DAPK1: variants seen among roughly 807,000 people sequenced by gnomAD.
DAPK1 encodes death associated protein kinase 1.
In DAPK1, 56 loss-of-function variants were observed where a neutral mutation model predicts 144.9. That is an observed-to-expected ratio of 0.39 (90% confidence interval 0.31 to 0.48). The LOEUF is 0.48. Among genes scored for constraint, DAPK1 ranks in the 20% least tolerant of loss-of-function variants. DAPK1 has a pLI of 0.95. For missense variants in DAPK1, 1,454 were observed against 1,875.4 expected (o/e 0.78, Z 4.15); for synonymous variants, 690 against 749.0 (o/e 0.92, Z 1.29).
chr9:87,702,339 A>G (rs533178039), intron 24 of DAPK1, among the ~76,000 whole-genome samples: 1 of 152,368 alleles, frequency 6.6e-6, no homozygotes, highest in Non-Finnish European at 1.5e-5. Flanking sequence ...TAAAAGGTTA[A>G]AAATCCACTT....
At chr9:87,676,672 A>G (rs1179390703) in intron 19 of DAPK1, among the ~76,000 whole-genome samples, 1 of 152,206 alleles carries the variant, frequency 6.6e-6, no homozygotes, top group African/African-American at 2.4e-5. Context: ...GAGTGGGCAC[A>G]TCTTGGCCAA....
chr9:87,659,327 C>T (rs1304136264), intron 18 of DAPK1, among the ~76,000 whole-genome samples: 3 of 152,152 alleles, frequency 2.0e-5, no homozygotes, highest in East Asian at 3.9e-4. Flanking sequence ...CCACCGCAAA[C>T]GCACACACCA....
intron 19 of DAPK1, among the ~76,000 whole-genome samples, chr9:87,675,622 A>G (rs1824338523): frequency 5.3e-5 from 8 of 151,870 alleles, no homozygotes. Context: ...AGGTTTAGGA[A>G]TTCTCCCGGC....
At chr9:87,557,656 C>A (rs1008001912) in intron 2 of DAPK1, among the ~76,000 whole-genome samples, 1 of 152,068 alleles carries the variant, frequency 6.6e-6, no homozygotes, top group African/African-American at 2.4e-5. Context: ...ATACCTAATC[C>A]TTGGCAGGGC....
At chr9:87,685,287 C>T (rs1397333390) in intron 20 of DAPK1, among the ~76,000 whole-genome samples, 2 of 152,170 alleles carry the variant, frequency 1.3e-5, no homozygotes, top group African/African-American at 4.8e-5. Context: ...CACTTTTCTT[C>T]TCCTCATCCC....
chr9:87,537,186 C>G (rs1825888168), intron 2 of DAPK1, among the ~76,000 whole-genome samples: 1 of 152,116 alleles, frequency 6.6e-6, no homozygotes, highest in Non-Finnish European at 1.5e-5. Context: ...CAGGGTTTCA[C>G]TATGTTGGCC....
chr9:87,706,151 A>G lies in DAPK1; in HGVS notation c.3080A>G (p.Glu1027Gly). 1 of 1,597,366 alleles carries G rather than the reference A, an allele frequency of 6.3e-7. No individual in the cohort carries two copies. Among genetic ancestry groups the G allele is most frequent in the Non-Finnish European group, 8.6e-7 (1 of 1,167,332 alleles). The change falls in exon 26 of 26, where the codon GAA (glutamate) becomes GGA (glycine). Residue 1027 changes from glutamate to glycine, a missense_variant. This residue lies in a region of DAPK1 where 1,025 missense variants were observed against 1,237.9 expected (regional missense o/e 0.83). Coordinates refer to ENST00000408954, the MANE Select transcript of DAPK1 (RefSeq NM_004938.4). This position sits in a 1 kb window ranked among gnomAD's most constrained non-coding sequence, Gnocchi z 9.0. Reference protein sequence around the residue: ...STGEINIMQSETVQDVLLLDP... With the variant: ...STGEINIMQSGTVQDVLLLDP... ...CCGCAGATCAACATCATGCAAAGTG[A>G]AACAGTTCAGGACGTGCTGCTCCTG...
intron 18 of DAPK1, among the ~76,000 whole-genome samples, chr9:87,658,635 T>C (rs1012267151): frequency 6.6e-6 from 1 of 152,214 alleles, no homozygotes; most frequent in African/African-American, 2.4e-5. Flanking sequence ...AAGTGAGATT[T>C]CTTCAGTTCT....
chr9:87,599,326 TAAAG>T (rs1301065393), intron 2 of DAPK1, among the ~76,000 whole-genome samples: 1 of 152,236 alleles, frequency 6.6e-6, no homozygotes. Context: ...TGATTATTAA[TAAAG>T]AAATATGTGT....
intron 21 of DAPK1, among the ~76,000 whole-genome samples, chr9:87,690,015 C>T (rs907367579): frequency 4.6e-5 from 7 of 151,976 alleles, no homozygotes; most frequent in Non-Finnish European, 7.4e-5. Context: ...ACAAATTTTC[C>T]GATTGTCTTT....
chr9:87,603,010 G>T (rs36206860), intron 2 of DAPK1, among the ~76,000 whole-genome samples: 3,122 of 151,492 alleles, frequency 0.021, 103 homozygotes, highest in African/African-American at 0.071. Flanking sequence ...CCTTGAGTTG[G>T]AAGTCTCTGA....
chr9:87,602,398 G>A lies in DAPK1; in HGVS notation c.63-2556G>A, dbSNP rs540419557. Among the ~76,000 whole-genome samples, 14 of 152,282 alleles carry A rather than the reference G, an allele frequency of 9.2e-5. No individual in the cohort carries two copies. In the South Asian group the frequency reaches 2.9e-3, roughly 32 times the overall value. On this transcript the variant is annotated intron_variant, in intron 2 of 25. Coordinates refer to ENST00000408954, the MANE Select transcript of DAPK1 (RefSeq NM_004938.4). ...CAGAGTCCATTCCCCAGGTTTTGCT[G>A]TAAACGAAGGCACCACAGTTCCCTC...
rs929003035 is a variant in DAPK1, at chr9:87,617,269, C to T, written c.284+12094C>T. 2.0e-5 allele frequency among the ~76,000 whole-genome samples: 3 copies of T among 152,144 alleles called. No individual in the cohort carries two copies. The South Asian group carries it at 6.2e-4, about 32-fold the overall frequency. ...CTTTTGTTTTTCCTATTTTCCACTT[C>T]CTTATTGGAATGGGGAGGTAGAGAC... On this transcript the variant is annotated intron_variant, in intron 3 of 25. Transcript: ENST00000408954.
At chr9:87,658,786 A>G (rs988733921) in intron 18 of DAPK1, among the ~76,000 whole-genome samples, 2 of 152,236 alleles carry the variant, frequency 1.3e-5, no homozygotes, top group Admixed American at 6.5e-5. Flanking sequence ...GTGAAATAAT[A>G]TCATTCGAGT....
intron 2 of DAPK1, among the ~76,000 whole-genome samples, chr9:87,558,191 C>T (rs1019087325): frequency 1.3e-5 from 2 of 152,148 alleles, no homozygotes; most frequent in African/African-American, 4.8e-5. Flanking sequence ...TGTCTGGTTT[C>T]ACATGGTGGT....
chr9:87,505,059 T>G (rs1824535689), intron 2 of DAPK1, among the ~76,000 whole-genome samples: 1 of 152,162 alleles, frequency 6.6e-6, no homozygotes, highest in Admixed American at 6.5e-5. Flanking sequence ...TTCTCTTCCC[T>G]CCTAGCAGAG....
intron 2 of DAPK1, among the ~76,000 whole-genome samples, chr9:87,543,413 A>G (rs887848131): frequency 9.2e-5 from 14 of 152,340 alleles, no homozygotes; most frequent in African/African-American, 3.1e-4. Context: ...GAATATGACT[A>G]TGAATCATTT....
chr9:87,684,601 A>ACCT (rs1432865908), intron 20 of DAPK1, among the ~76,000 whole-genome samples: 3 of 151,886 alleles, frequency 2.0e-5, no homozygotes, highest in Non-Finnish European at 4.4e-5. Flanking sequence ...CTGTGGGGAC[A>ACCT]CTGAGGGTTG....
intron 18 of DAPK1, among the ~76,000 whole-genome samples, chr9:87,662,734 C>G (rs1453659100): frequency 6.6e-6 from 1 of 151,748 alleles, no homozygotes; most frequent in Non-Finnish European, 1.5e-5. Flanking sequence ...GTGACATCCT[C>G]AGGGTTTTCT....
Sources: allele counts gnomAD v4.1 joint callset (sites outside exome capture counted in the v4.1 genomes callset), GRCh38; gene constraint gnomAD v4.1.1; regional missense constraint gnomAD v4.1.1; non-coding constraint Gnocchi (gnomAD v3.1); transcripts MANE v1.5; gene names NCBI Gene and HGNC (gene_info 2026-07-23, HGNC 2026-07-21).